ALMS1: variants seen among roughly 807,000 people sequenced by gnomAD.
ALMS1 encodes ALMS1 centrosome and basal body associated protein, also known as centrosome-associated protein ALMS1.
Under a neutral mutation model 352.2 loss-of-function variants are expected in ALMS1, and 271 were observed. The ratio of observed to expected loss-of-function variants is 0.77; its 90% CI spans 0.70 to 0.85. The LOEUF (loss-of-function observed/expected upper bound fraction) is 0.85, where lower values mean the gene tolerates loss of function less well. Ranked by LOEUF, ALMS1 falls within the 40% of genes least tolerant of loss-of-function variation. ALMS1 has a pLI of 0.00. For missense variants in ALMS1, 5,445 were observed against 4,870.7 expected (o/e 1.12, Z -3.51); for synonymous variants, 1,865 against 1,761.2 (o/e 1.06, Z -1.48).
At chr2:73,511,860 A>G (rs1342420194) in intron 10 of ALMS1, among the ~76,000 whole-genome samples, 2 of 152,142 alleles carry the variant, frequency 1.3e-5, no homozygotes, top group African/African-American at 4.8e-5. Flanking sequence ...AATTGTTTCA[A>G]AATGTCAGTG....
Position 73,455,229 on chromosome 2 carries a change from C to T in ALMS1, c.7608C>T (p.Asp2536=). The part of the protein sequence containing the change: ...GYSISELNED[D]RRKVEEIKAE... ...CCATTTCAGAATTAAATGAAGATGA[C>T]AGGAGGAAAGTAGAAGAGATCAAGG... The change falls in exon 9 of 23, where the codon GAC becomes GAT. Residue 2536 remains aspartate (D), a synonymous_variant. Transcript: ENST00000613296. The T allele has an allele frequency of 1.2e-6, 2 of 1,613,900 alleles. No homozygotes were observed. The highest frequency in any genetic ancestry group is 1.3e-5 in the African/African-American group (1 of 74,990).
At chr2:73,529,548 C>T (rs1014483159) in intron 11 of ALMS1, among the ~76,000 whole-genome samples, 2 of 152,110 alleles carry the variant, frequency 1.3e-5, no homozygotes, top group Non-Finnish European at 2.9e-5. Flanking sequence ...TTATACCCAT[C>T]CTTCTTGGGA....
chr2:73,601,353 C>T lies in ALMS1; in HGVS notation c.12031C>T (p.Leu4011=), dbSNP rs1675682314. Residue 4011 remains leucine, a synonymous_variant, in exon 19 of 23, where the codon CTG becomes TTG. Coordinates refer to ENST00000613296, the MANE Select transcript of ALMS1 (RefSeq NM_001378454.1). ...LREQNCQGQH[L]DGRGYLAGPG... ...GGAGCAGAACTGTCAGGGGCAGCAC[C>T]TGGACGGTCGGGGCTACCTGGCAGG... 6.2e-7 allele frequency: 1 copy of T among 1,614,160 alleles called. No homozygotes were observed. Among genetic ancestry groups the T allele is most frequent in the East Asian group, 2.2e-5 (1 of 44,878 alleles).
chr2:73,443,739 A>G (rs957173966), intron 7 of ALMS1, among the ~76,000 whole-genome samples: 66 of 152,194 alleles, frequency 4.3e-4, no homozygotes, highest in African/African-American at 1.5e-3. Context: ...ATGAATTAAC[A>G]TGCCTGGGTA....
At chr2:73,567,918 TATC>T (rs1237701529) in intron 15 of ALMS1, among the ~76,000 whole-genome samples, 3 of 152,224 alleles carry the variant, frequency 2.0e-5, no homozygotes, top group African/African-American at 4.8e-5. Flanking sequence ...TGGTAGAAAA[TATC>T]ATAATGCAAA....
intron 10 of ALMS1, among the ~76,000 whole-genome samples, chr2:73,508,576 ATTC>A (rs1673385725): frequency 6.6e-6 from 1 of 152,000 alleles, no homozygotes; most frequent in Non-Finnish European, 1.5e-5. Flanking sequence ...TATGATTTTC[ATTC>A]TTCTGCATTT....
At chr2:73,576,879 C>A (rs984475350) in intron 16 of ALMS1, among the ~76,000 whole-genome samples, 4 of 151,956 alleles carry the variant, frequency 2.6e-5, no homozygotes, top group African/African-American at 9.7e-5. Flanking sequence ...CCCTCAGTCT[C>A]CCCAAAGTGC....
intron 15 of ALMS1, among the ~76,000 whole-genome samples, chr2:73,564,064 G>C (rs72911361): frequency 1.3e-5 from 2 of 151,654 alleles, no homozygotes; most frequent in Non-Finnish European, 2.9e-5. Flanking sequence ...GTCTGTGTGT[G>C]TGCATGCATG....
chr2:73,551,909 C>T (rs1472343277), intron 13 of ALMS1, among the ~76,000 whole-genome samples: 1 of 152,098 alleles, frequency 6.6e-6, no homozygotes, highest in East Asian at 1.9e-4. Context: ...TAACTATTAG[C>T]TAAATAGGTG....
chr2:73,581,254 G>C (rs1052192735), intron 16 of ALMS1, among the ~76,000 whole-genome samples: 3 of 152,144 alleles, frequency 2.0e-5, no homozygotes, highest in African/African-American at 7.2e-5. Flanking sequence ...TATTTTCAAG[G>C]AACATTCTTC....
At chr2:73,566,771 T>C (rs940715945) in intron 15 of ALMS1, among the ~76,000 whole-genome samples, 2 of 152,220 alleles carry the variant, frequency 1.3e-5, no homozygotes, top group African/African-American at 2.4e-5. Context: ...CTTGGCCTCC[T>C]ATACTTCTGA....
intron 1 of ALMS1, among the ~76,000 whole-genome samples, chr2:73,399,432 C>T (rs939946811): frequency 4.6e-5 from 7 of 151,886 alleles, no homozygotes; most frequent in Non-Finnish European, 1.0e-4. Flanking sequence ...GGTGAGCTTA[C>T]AATCATGGTG....
At chr2:73,423,185 T>A (rs1205898321) in intron 4 of ALMS1, among the ~76,000 whole-genome samples, 1 of 152,188 alleles carries the variant, frequency 6.6e-6, no homozygotes, top group Non-Finnish European at 1.5e-5. Flanking sequence ...GACAGTAGTT[T>A]ATTTAAAAAT....
At chr2:73,512,581 C>G (rs928689890) in intron 10 of ALMS1, among the ~76,000 whole-genome samples, 1 of 151,914 alleles carries the variant, frequency 6.6e-6, no homozygotes, top group African/African-American at 2.4e-5. Context: ...TTTAGAGAAT[C>G]TTTATATATT....
chr2:73,573,375 C>A lies in ALMS1; in HGVS notation c.11498C>A (p.Thr3833Lys), dbSNP rs776648380. ...AAACACAGCAAGAAAGTGCTGAATA[C>A]AGGTCATCCCCTAGTGACTTCTGAG... Reference protein sequence around the residue: ...RSKHSKKVLNTGHPLVTSEHT... With the variant: ...RSKHSKKVLNKGHPLVTSEHT... Residue 3833 changes from threonine to lysine, a missense_variant, in exon 16 of 23, where the codon ACA becomes AAA. By Grantham distance (78) the Thr-to-Lys change is moderately conservative (BLOSUM62 -1). Transcript: ENST00000613296. 6.2e-7 allele frequency: 1 copy of A among 1,614,080 alleles called. No individual in the cohort carries two copies. The highest frequency in any genetic ancestry group is 8.5e-7 in the Non-Finnish European group (1 of 1,179,992).
At chr2:73,493,670 C>A (rs756073170) in intron 10 of ALMS1, among the ~76,000 whole-genome samples, 32 of 151,578 alleles carry the variant, frequency 2.1e-4, no homozygotes, top group Non-Finnish European at 4.3e-4. Flanking sequence ...TGCAGTGAGC[C>A]AAGATTGCAC....
At chr2:73,535,428 CAT>C (rs1674007744) in intron 12 of ALMS1, among the ~76,000 whole-genome samples, 1 of 152,050 alleles carries the variant, frequency 6.6e-6, no homozygotes, top group African/African-American at 2.4e-5. Context: ...TTACTAATGA[CAT>C]ATGTGTAGCT....
chr2:73,459,041 C>T (rs1029005027), intron 9 of ALMS1: 5 of 152,120 alleles, frequency 3.3e-5, no homozygotes, highest in Admixed American at 3.3e-4. Flanking sequence ...TTATAAATTA[C>T]TTCAGTGTTT....
At chr2:73,517,666 A>G (rs1191558795) in intron 10 of ALMS1, among the ~76,000 whole-genome samples, 1 of 148,344 alleles carries the variant, frequency 6.7e-6, no homozygotes, top group Non-Finnish European at 1.5e-5. Flanking sequence ...TTTTATTTTT[A>G]TTTTTTTGAA....
Sources: allele counts gnomAD v4.1 joint callset (sites outside exome capture counted in the v4.1 genomes callset), GRCh38; gene constraint gnomAD v4.1.1; transcripts MANE v1.5; gene names NCBI Gene and HGNC (gene_info 2026-07-23, HGNC 2026-07-21).